DENND2A: variants seen among roughly 807,000 people sequenced by gnomAD.
DENND2A encodes DENN domain-containing protein 2A.
Under a neutral mutation model 105.3 loss-of-function variants are expected in DENND2A, and 53 were observed. That is an observed-to-expected ratio of 0.50 (90% CI 0.40 to 0.63). DENND2A has a LOEUF of 0.63. Ranked by LOEUF, DENND2A falls within the 30% of genes least tolerant of loss-of-function variation. The pLI, the probability that DENND2A is intolerant of heterozygous loss-of-function variation, is 0.00. For missense variants in DENND2A, 1,138 were observed against 1,279.6 expected, an observed-to-expected ratio of 0.89 and a Z score of 1.69; for synonymous variants, 522 against 508.4, an observed-to-expected ratio of 1.03 and a Z score of -0.36.
intron 3 of DENND2A, among the ~76,000 whole-genome samples, chr7:140,588,069 C>A (rs535324167): frequency 3.9e-5 from 6 of 152,120 alleles, no homozygotes; most frequent in Non-Finnish European, 7.3e-5. Flanking sequence ...CACCACCATG[C>A]CTGGCTAGTT....
chr7:140,587,334 C>T (rs746492346), intron 4 of DENND2A, among the ~76,000 whole-genome samples: 6 of 152,152 alleles, frequency 3.9e-5, no homozygotes, highest in Non-Finnish European at 5.9e-5. Context: ...CTGCGGCCAA[C>T]AGGCAGCAGA....
rs540422954 is a variant in DENND2A at position 140,617,260 on chromosome 7, C to T, written c.-247-11454G>A. 2.6e-5 allele frequency among the ~76,000 whole-genome samples: 4 copies of T among 152,346 alleles called. No homozygotes were observed. The South Asian group carries it at 8.3e-4, about 32-fold the overall frequency. ...AAAGTGCGTGCACCTTTTCCTGGAA[C>T]CCAGATGCTGATGCTTGGAGATGCT... On this transcript the variant is annotated intron_variant, in intron 1 of 19. Coordinates refer to ENST00000496613, the MANE Select transcript of DENND2A (RefSeq NM_015689.5).
chr7:140,545,837 C>A (rs115718863), intron 13 of DENND2A, among the ~76,000 whole-genome samples: 2,352 of 152,292 alleles, frequency 0.015, 46 homozygotes, highest in African/African-American at 0.053. Flanking sequence ...AACGGTGAGG[C>A]TTCCTCTCCA....
chr7:140,527,524 G>T lies in DENND2A; in HGVS notation c.2328-29C>A. 1 of 1,567,588 alleles carries T rather than the reference G, an allele frequency of 6.4e-7. No individual in the cohort carries two copies. Among genetic ancestry groups the T allele is most frequent in the Non-Finnish European group, 8.7e-7 (1 of 1,153,096 alleles). On this transcript the variant is annotated intron_variant, in intron 14 of 19. Transcript: ENST00000496613. This position sits in a 1 kb window ranked among gnomAD's most constrained non-coding sequence, Gnocchi z 4.9. ...CAGCCGGGGAGAGAACAGGGAGAGA[G>T]GCCGACTCAGCGAGGGCCCGAGGAA...
intron 1 of DENND2A, among the ~76,000 whole-genome samples, chr7:140,608,968 C>T (rs76718739): frequency 2.0e-5 from 3 of 152,082 alleles, no homozygotes; most frequent in Admixed American, 1.3e-4. Flanking sequence ...AATCAAAGGT[C>T]GCAGAGGCCA....
At chr7:140,634,123 C>T (rs1291476096) in intron 1 of DENND2A, among the ~76,000 whole-genome samples, 3 of 151,900 alleles carry the variant, frequency 2.0e-5, no homozygotes, top group Non-Finnish European at 4.4e-5. Context: ...CTCAGCCTCC[C>T]GGGTAGTTGG....
chr7:140,604,854 T>A (rs1043513716), intron 2 of DENND2A, among the ~76,000 whole-genome samples: 3 of 152,196 alleles, frequency 2.0e-5, no homozygotes, highest in Non-Finnish European at 2.9e-5. Flanking sequence ...TAGCAGCTAG[T>A]CAACAAATAT....
intron 1 of DENND2A, among the ~76,000 whole-genome samples, chr7:140,618,650 T>C (rs1448724450): frequency 6.6e-6 from 1 of 152,192 alleles, no homozygotes; most frequent in Non-Finnish European, 1.5e-5. Flanking sequence ...TCATTACGAA[T>C]GTCTGTCTTG....
At chr7:140,632,691 C>T (rs1179425008) in intron 1 of DENND2A, among the ~76,000 whole-genome samples, 2 of 151,688 alleles carry the variant, frequency 1.3e-5, no homozygotes, top group Non-Finnish European at 2.9e-5. Context: ...GCCTCAGCCT[C>T]CTGAGTAGCT....
chr7:140,620,076 G>A (rs1000651341), intron 1 of DENND2A, among the ~76,000 whole-genome samples: 6 of 151,676 alleles, frequency 4.0e-5, no homozygotes, highest in Non-Finnish European at 7.4e-5. Context: ...GGCGCCTGTA[G>A]TCCCAACTAC....
At position 140,547,027 on chromosome 7, in the gene DENND2A, T is replaced by G. The variant is rs144679122; in HGVS notation, c.2038-88A>C. ...TCTAGGTGAAGTGGGCCTGCCATGG[T>G]GACTCAAGAATTATGGGGAAGCCCT... On this transcript the variant is annotated intron_variant, in intron 12 of 19. Transcript: ENST00000496613. 1.9e-5 allele frequency: 28 copies of G among 1,509,362 alleles called. 1 individual carries two copies. Among genetic ancestry groups the G allele is most frequent in the Admixed American group, 1.4e-4 (7 of 48,778 alleles). The allele number at this position is 1,509,362 out of a possible 1,614,324, so 93.5% of individuals were successfully genotyped here. A position where few individuals can be genotyped will look rare whatever the true frequency, so the allele number is the denominator to read the frequency against.
intron 1 of DENND2A, among the ~76,000 whole-genome samples, chr7:140,631,399 T>C (rs568512663): frequency 3.3e-5 from 5 of 152,222 alleles, no homozygotes; most frequent in African/African-American, 1.2e-4. Context: ...TTAGCCCCTT[T>C]ACCCATCTCT....
rs1388460767 is a variant in DENND2A, at chr7:140,626,390, A to G, written c.-248+14114T>C. 2.0e-5 allele frequency among the ~76,000 whole-genome samples: 3 copies of G among 152,020 alleles called. 1 individual carries two copies. Among genetic ancestry groups the G allele is most frequent in the Admixed American group, 2.0e-4 (3 of 15,256 alleles). Reference sequence around the variant, plus strand: ...CTGCTGTTGGTTTTGATCTGACCTCACTGGATAGTAATCCTGAGAATGGGA... The same window carrying G: ...CTGCTGTTGGTTTTGATCTGACCTCGCTGGATAGTAATCCTGAGAATGGGA... On this transcript the variant is annotated intron_variant, in intron 1 of 19. Transcript: ENST00000496613.
At chr7:140,602,881 G>C (rs907863291) in intron 2 of DENND2A, among the ~76,000 whole-genome samples, 1 of 152,102 alleles carries the variant, frequency 6.6e-6, no homozygotes, top group African/African-American at 2.4e-5. Flanking sequence ...AGGAGCAATC[G>C]GGTTTAGGAG....
intron 12 of DENND2A, among the ~76,000 whole-genome samples, chr7:140,555,200 C>A (rs1797306976): frequency 6.7e-6 from 1 of 150,130 alleles, no homozygotes; most frequent in East Asian, 2.0e-4. Flanking sequence ...ATGGCACGAT[C>A]TCGGCTCACT....
chr7:140,538,298 G>T (rs1303001447), intron 14 of DENND2A, among the ~76,000 whole-genome samples: 1 of 152,038 alleles, frequency 6.6e-6, no homozygotes, highest in African/African-American at 2.4e-5. Context: ...GATGTCACCG[G>T]GCCACGCACT....
chr7:140,603,891 G>A (rs1232541596), intron 2 of DENND2A, among the ~76,000 whole-genome samples: 1 of 152,162 alleles, frequency 6.6e-6, no homozygotes, highest in East Asian at 1.9e-4. Context: ...ACTGAATAAA[G>A]TTTTGGCCTA....
At chr7:140,581,983 G>C (rs868220113) in intron 5 of DENND2A, among the ~76,000 whole-genome samples, 1 of 116,170 alleles carries the variant, frequency 8.6e-6, no homozygotes, top group African/African-American at 4.0e-5. Context: ...TTTTTTTTTT[G>C]AGACAGAGTT....
intron 1 of DENND2A, chr7:140,609,926 C>T (rs1799832209): frequency 6.6e-6 from 1 of 152,070 alleles, no homozygotes; most frequent in Admixed American, 6.6e-5. Flanking sequence ...CTACTCTTCC[C>T]CCCTTCTCAC....
Sources: allele counts gnomAD v4.1 joint callset (sites outside exome capture counted in the v4.1 genomes callset), GRCh38; gene constraint gnomAD v4.1.1; non-coding constraint Gnocchi (gnomAD v3.1); transcripts MANE v1.5; gene names NCBI Gene and HGNC (gene_info 2026-07-23, HGNC 2026-07-21).